Variants in DYM observed in about 807,000 individuals in gnomAD.
The protein encoded by DYM is dymeclin.
A neutral mutation model predicts 93.1 loss-of-function variants in DYM; 78 were observed. That is an observed-to-expected ratio of 0.84 (90% confidence interval 0.70 to 1.01). DYM has a LOEUF of 1.01. Among genes scored for constraint, DYM ranks in the 50% least tolerant of loss-of-function variants. DYM has a pLI of 0.00. For missense variants in DYM, 789 were observed against 845.0 expected (o/e 0.93, Z 0.82); for synonymous variants, 321 against 319.7 (o/e 1.00, Z -0.04).
At chr18:49,427,435 T>G (rs78036298) in intron 2 of DYM, among the ~76,000 whole-genome samples, 12,209 of 152,260 alleles carry the variant, frequency 0.08, 773 homozygotes, top group East Asian at 0.31. Context: ...GTGCAACGTA[T>G]GCACCTTATT....
At chr18:49,073,778 A>C (rs1007562054) in intron 17 of DYM, among the ~76,000 whole-genome samples, 7 of 152,146 alleles carry the variant, frequency 4.6e-5, no homozygotes, top group African/African-American at 1.4e-4. Flanking sequence ...TTCCTCTTTA[A>C]CCATTTAATC....
At chr18:49,138,837 G>C (rs1433682463) in intron 15 of DYM, among the ~76,000 whole-genome samples, 1 of 152,158 alleles carries the variant, frequency 6.6e-6, no homozygotes, top group Non-Finnish European at 1.5e-5. Flanking sequence ...AGTACAGGAA[G>C]TGTCCGATTT....
At chr18:49,045,428 C>T (rs973504526) in intron 17 of DYM, among the ~76,000 whole-genome samples, 2 of 152,242 alleles carry the variant, frequency 1.3e-5, no homozygotes, top group Admixed American at 1.3e-4. Flanking sequence ...CCCAGACACA[C>T]TGTAGATGCT....
At chr18:49,059,668 G>A (rs892671971) in intron 17 of DYM, among the ~76,000 whole-genome samples, 4 of 152,136 alleles carry the variant, frequency 2.6e-5, no homozygotes, top group African/African-American at 7.2e-5. Flanking sequence ...GGTGGTATGA[G>A]GGAGGGGGCT....
At chr18:49,067,395 TA>T (rs1443281964) in intron 17 of DYM, among the ~76,000 whole-genome samples, 58 of 123,602 alleles carry the variant, frequency 4.7e-4, no homozygotes, top group East Asian at 7.0e-4. Context: ...GGGGAAGGAG[TA>T]GGGTGATGTG....
chr18:49,139,569 G>A (rs1248876816), intron 15 of DYM, among the ~76,000 whole-genome samples: 2 of 152,134 alleles, frequency 1.3e-5, no homozygotes, highest in African/African-American at 4.8e-5. Flanking sequence ...ACAAAACCAA[G>A]AATTAACTGG....
At chr18:49,143,604 A>T (rs987918626) in intron 15 of DYM, among the ~76,000 whole-genome samples, 3 of 152,156 alleles carry the variant, frequency 2.0e-5, no homozygotes, top group Non-Finnish European at 4.4e-5. Context: ...TAAAGGTTAA[A>T]TATAGTTCTT....
At chr18:49,416,531 C>T (rs1435786984) in intron 2 of DYM, among the ~76,000 whole-genome samples, 3 of 152,164 alleles carry the variant, frequency 2.0e-5, no homozygotes, top group Non-Finnish European at 4.4e-5. Context: ...TATTAACACT[C>T]AAATCAGGTG....
intron 8 of DYM, among the ~76,000 whole-genome samples, chr18:49,325,778 T>C (rs1020429320): frequency 6.6e-6 from 1 of 152,232 alleles, no homozygotes; most frequent in Non-Finnish European, 1.5e-5. Flanking sequence ...AGAGTTCCAA[T>C]TTATTTATTC....
At chr18:49,138,173 A>C (rs1279987642) in intron 15 of DYM, among the ~76,000 whole-genome samples, 3 of 152,204 alleles carry the variant, frequency 2.0e-5, no homozygotes, top group Non-Finnish European at 2.9e-5. Context: ...ATTATTCAAT[A>C]GTCACTGCTA....
chr18:49,140,354 G>A (rs1433646036), intron 15 of DYM, among the ~76,000 whole-genome samples: 1 of 152,090 alleles, frequency 6.6e-6, no homozygotes, highest in African/African-American at 2.4e-5. Flanking sequence ...CTTGCAAGGA[G>A]TATTTCCTTG....
At chr18:49,051,374 G>A (rs1330272323) in intron 17 of DYM, among the ~76,000 whole-genome samples, 2 of 152,188 alleles carry the variant, frequency 1.3e-5, no homozygotes, top group African/African-American at 4.8e-5. Flanking sequence ...GCAAGTCATA[G>A]CATTTCTCAG....
At chr18:49,325,414 T>A (rs986093918) in intron 8 of DYM, among the ~76,000 whole-genome samples, 2 of 152,160 alleles carry the variant, frequency 1.3e-5, no homozygotes, top group Non-Finnish European at 2.9e-5. Context: ...CACACAAGAA[T>A]TAAAATGTGC....
At chr18:49,065,093 CAG>C (rs2076283061) in intron 17 of DYM, among the ~76,000 whole-genome samples, 1 of 152,052 alleles carries the variant, frequency 6.6e-6, no homozygotes, top group South Asian at 2.1e-4. Context: ...ATTAGTAGAT[CAG>C]AGAGAGTAAC....
intron 16 of DYM, among the ~76,000 whole-genome samples, chr18:49,108,427 C>T (rs78703840): frequency 1.8e-3 from 279 of 152,338 alleles, no homozygotes; most frequent in African/African-American, 5.9e-3. Context: ...ACCCACTTTC[C>T]GGCACTCCCC....
At chr18:49,375,094 T>C (rs2147609725) in intron 5 of DYM, among the ~76,000 whole-genome samples, 1 of 151,780 alleles carries the variant, frequency 6.6e-6, no homozygotes, top group Middle Eastern at 3.4e-3. Flanking sequence ...TTGTTTCCCC[T>C]GAGAAGACAA....
chr18:49,103,571 T>G (rs1393911188), intron 16 of DYM, among the ~76,000 whole-genome samples: 1 of 152,212 alleles, frequency 6.6e-6, no homozygotes, highest in African/African-American at 2.4e-5. Context: ...CTTTAATCCA[T>G]CTTGAATTAA....
chr18:49,280,567 C>T (rs1395641158), intron 10 of DYM, among the ~76,000 whole-genome samples: 3 of 152,078 alleles, frequency 2.0e-5, no homozygotes, highest in Admixed American at 2.0e-4. Flanking sequence ...TCCTGGGCAA[C>T]GTGTGGCTGT....
intron 15 of DYM, among the ~76,000 whole-genome samples, chr18:49,127,764 T>G (rs988589153): frequency 3.9e-5 from 6 of 152,356 alleles, no homozygotes; most frequent in African/African-American, 1.2e-4. Context: ...TAGCCAGAAC[T>G]GGATTTGTCC....
Sources: gnomAD v4.1 joint callset for allele counts (sites outside exome capture counted in the v4.1 genomes callset) on GRCh38, gnomAD v4.1.1 for gene constraint, MANE v1.5 for transcripts, NCBI Gene and HGNC (gene_info 2026-07-23, HGNC 2026-07-21) for gene names.